SYNE2: variants seen among roughly 807,000 people sequenced by gnomAD.
The protein encoded by SYNE2 is nesprin-2.
SYNE2 carries 431 observed loss-of-function variants against 856.3 expected under a neutral mutation model. The ratio of observed to expected loss-of-function variants is 0.50; its 90% CI spans 0.47 to 0.55. SYNE2 has a LOEUF of 0.55. Ranked by LOEUF, SYNE2 falls within the 20% of genes least tolerant of loss-of-function variation. SYNE2 has a pLI of 0.00. For synonymous variants in SYNE2, 2,923 were observed against 2,872.3 expected (o/e 1.02, Z -0.56); for missense variants, 8,129 against 8,023.2 (o/e 1.01, Z -0.50).
At position 63,976,663 on chromosome 14, in the gene SYNE2, T is replaced by G; in HGVS notation, c.1229T>G (p.Leu410Trp). Residue 410 changes from leucine (L) to tryptophan (W), a missense_variant, in exon 12 of 116, where the codon TTG (leucine) becomes TGG (tryptophan). Leu to Trp is a moderately conservative substitution (Grantham distance 61). Transcript: ENST00000555002. ...GTAGAAGAGCTTATGGATGAAGATT[T>G]GTCAGCCTCCCAGGATCACTCTCAA... ...QEVEELMDEDLSASQDHSQAV... is the reference protein window; with the variant it reads ...QEVEELMDEDWSASQDHSQAV... 1.9e-6 allele frequency: 3 copies of G among 1,613,646 alleles called. No individual in the cohort carries two copies. Among genetic ancestry groups the G allele is most frequent in the Non-Finnish European group, 2.5e-6 (3 of 1,179,900 alleles).
At chr14:63,845,912 T>C (rs902521969) in intron 1 of SYNE2, among the ~76,000 whole-genome samples, 4 of 151,922 alleles carry the variant, frequency 2.6e-5, no homozygotes, top group African/African-American at 9.7e-5. Context: ...AGCTAGCTTT[T>C]TTTGTATTAT....
chr14:64,209,027 T>C (rs2140134622), intron 101 of SYNE2, 82 bp downstream of exon 101: 4 of 1,501,244 alleles, frequency 2.7e-6, no homozygotes, highest in Non-Finnish European at 3.6e-6. Flanking sequence ...ACAGTAACTA[T>C]TCTGTTCATT....
At chr14:63,785,256 C>T (rs1434822520) in intron 1 of SYNE2, among the ~76,000 whole-genome samples, 6 of 151,908 alleles carry the variant, frequency 3.9e-5, no homozygotes, top group South Asian at 4.2e-4. Context: ...CTCAGGAGTT[C>T]GAGACCAGCC....
At position 63,960,722 on chromosome 14, in the gene SYNE2, C is replaced by T. The variant is rs1406300740; in HGVS notation, c.788-803C>T. 4 of 761,994 alleles carry T rather than the reference C, an allele frequency of 5.2e-6. No individual in the cohort carries two copies. The African/African-American group carries it at 6.8e-5, about 13-fold the overall frequency. The allele number at this position is 761,994 out of a possible 1,614,324, so 47.2% of individuals were successfully genotyped here. A position where few individuals can be genotyped will look rare whatever the true frequency, so the allele number is the denominator to read the frequency against. On this transcript the variant is annotated intron_variant, in intron 8 of 115. Coordinates refer to ENST00000555002, the MANE Select transcript of SYNE2 (RefSeq NM_182914.3). ...TCACCCTTTTGTGATTTTATGATCT[C>T]CTTCACTTATTAGATGCCTGGAGAA...
chr14:63,970,835 TAG>T (rs1227568216), intron 11 of SYNE2, among the ~76,000 whole-genome samples: 1 of 151,664 alleles, frequency 6.6e-6, no homozygotes, highest in African/African-American at 2.4e-5. Flanking sequence ...GTATTTTTAT[TAG>T]AGACAGAGTT....
intron 32 of SYNE2, among the ~76,000 whole-genome samples, chr14:64,010,826 A>G (rs1424711668): frequency 6.6e-6 from 1 of 152,098 alleles, no homozygotes; most frequent in Non-Finnish European, 1.5e-5. Context: ...TTTAGTAGAG[A>G]CAGGGTTTCG....
intron 23 of SYNE2, among the ~76,000 whole-genome samples, chr14:63,996,029 A>G (rs1435916899): frequency 3.3e-5 from 5 of 152,078 alleles, no homozygotes; most frequent in South Asian, 2.1e-4. Context: ...CCTGAATTCT[A>G]TGTTCTATTT....
chr14:64,218,489 C>T lies in SYNE2; in HGVS notation c.19634C>T (p.Ala6545Val), dbSNP rs768823957. The T allele has an allele frequency of 3.7e-6, 6 of 1,613,838 alleles. No homozygotes were observed. Among genetic ancestry groups the T allele is most frequent in the South Asian group, 2.2e-5 (2 of 91,064 alleles). ...CCACAGCAGGAAGACGGGGGACTGG[C>T]CGGTATCACAGAGCAGCAGTCAGGT... ...GNPQQEDGGL[A>V]GITEQQSGAF... is the part of the protein sequence containing the mutation. The change falls in exon 109 of 116, where the codon GCC (alanine) becomes GTC (valine). Residue 6545 changes from alanine (A) to valine (V), a missense_variant. Ala to Val is a moderately conservative substitution (Grantham distance 64, BLOSUM62 0). Coordinates refer to ENST00000555002, the MANE Select transcript of SYNE2 (RefSeq NM_182914.3).
At chr14:63,765,080 G>C (rs557191847) in intron 1 of SYNE2, among the ~76,000 whole-genome samples, 162 of 152,290 alleles carry the variant, frequency 1.1e-3, no homozygotes, top group African/African-American at 3.8e-3. Flanking sequence ...AGCCCCTGAG[G>C]AAGGGGCTGT....
At chr14:63,951,668 C>A (rs1016620823) in intron 7 of SYNE2, among the ~76,000 whole-genome samples, 1 of 152,150 alleles carries the variant, frequency 6.6e-6, no homozygotes, top group African/African-American at 2.4e-5. Context: ...ACATACATAA[C>A]CTTATATAGA....
chr14:64,117,335 T>G (rs917371818), intron 66 of SYNE2, among the ~76,000 whole-genome samples: 2 of 152,230 alleles, frequency 1.3e-5, no homozygotes, highest in Non-Finnish European at 2.9e-5. Context: ...GGTCTTGCTC[T>G]GTTACCCAGG....
rs879255436 is a variant in SYNE2 at position 64,219,370 on chromosome 14, C to G, written c.19820C>G (p.Ser6607Cys). The G allele has an allele frequency of 1.9e-6, 3 of 1,613,984 alleles. No homozygotes were observed. Among genetic ancestry groups the G allele is most frequent in the African/African-American group, 2.7e-5 (2 of 74,890 alleles). Residue 6607 changes from serine (S) to cysteine (C), a missense_variant, in exon 110 of 116, where the codon TCT becomes TGT. Physicochemically the swap from Ser to Cys is moderately radical, Grantham distance 112. Around this residue, in one of 3 missense-constraint regions of SYNE2, gnomAD observed 5,410 missense variants for 5,284.8 expected, o/e 1.02. Coordinates refer to ENST00000555002, the MANE Select transcript of SYNE2 (RefSeq NM_182914.3). ...LEMLKMAKPP[S>C]DIQEIELRVK... ...ATGTTAAAGATGGCAAAGCCTCCCT[C>G]TGATATCCAGGAAATAGAACTGAGA...
intron 33 of SYNE2, among the ~76,000 whole-genome samples, chr14:64,017,098 G>C (rs1203306528): frequency 6.6e-6 from 1 of 152,092 alleles, no homozygotes. Context: ...GGGAGGCTGA[G>C]ACGGGTGAAT....
At chr14:64,146,028 A>G (rs2153697104) in intron 83 of SYNE2, 40 bp from the exon 84 acceptor site, 2 of 1,424,370 alleles carry the variant, frequency 1.4e-6, no homozygotes, top group East Asian at 4.8e-5. Flanking sequence ...CTTTTAAAAC[A>G]TACATTTTAA....
chr14:63,933,135 GAGGTCGCA>G (rs1259371608), intron 2 of SYNE2, among the ~76,000 whole-genome samples: 1 of 152,166 alleles, frequency 6.6e-6, no homozygotes, highest in Non-Finnish European at 1.5e-5. Context: ...TTGATGAGAA[GAGGTCGCA>G]AGGCTTCCTC....
chr14:63,880,419 G>T (rs114202047), intron 1 of SYNE2, among the ~76,000 whole-genome samples: 2 of 152,096 alleles, frequency 1.3e-5, no homozygotes, highest in African/African-American at 2.4e-5. Flanking sequence ...ATATGTGTGG[G>T]TTACATATTT....
intron 45 of SYNE2, among the ~76,000 whole-genome samples, chr14:64,039,384 G>C (rs2097129764): frequency 1.3e-5 from 2 of 152,186 alleles, no homozygotes; most frequent in African/African-American, 4.8e-5. Context: ...ACCATGCTCA[G>C]TCATTTAGAG....
chr14:63,936,755 A>T lies in SYNE2; in HGVS notation c.80-3859A>T, dbSNP rs562981459. On this transcript the variant is annotated intron_variant, in intron 2 of 115. Coordinates refer to ENST00000555002, the MANE Select transcript of SYNE2 (RefSeq NM_182914.3). ...TGATCTGAGTGAACATTTTAGCAAC[A>T]TCACTGCCTGCTGTGCTGAGCATAG... Among the ~76,000 whole-genome samples, 3 of 152,284 alleles carry T rather than the reference A, an allele frequency of 2.0e-5. No individual in the cohort carries two copies. The East Asian group carries it at 5.8e-4, about 29-fold the overall frequency.
chr14:63,772,425 G>A (rs1329319369), intron 1 of SYNE2, among the ~76,000 whole-genome samples: 1 of 151,976 alleles, frequency 6.6e-6, no homozygotes, highest in Middle Eastern at 3.4e-3. Context: ...CTACCTATTA[G>A]CAATACATCT....
Sources: allele counts gnomAD v4.1 joint callset (sites outside exome capture counted in the v4.1 genomes callset), GRCh38; gene constraint gnomAD v4.1.1; regional missense constraint gnomAD v4.1.1; transcripts MANE v1.5; gene names NCBI Gene and HGNC (gene_info 2026-07-23, HGNC 2026-07-21).